Variants in GMPPA observed in about 807,000 individuals in gnomAD.
GMPPA encodes GDP-mannose pyrophosphorylase A.
A neutral mutation model predicts 58.6 loss-of-function variants in GMPPA; 46 were observed. The ratio of observed to expected loss-of-function variants is 0.78; its 90% CI spans 0.62 to 1.00. The LOEUF (loss-of-function observed/expected upper bound fraction) is 1.00, where lower values mean the gene tolerates loss of function less well. GMPPA is among the 50% of genes least tolerant of loss of function. GMPPA has a pLI of 0.00. For synonymous variants in GMPPA, 211 were observed against 214.9 expected, an observed-to-expected ratio of 0.98 and a Z score of 0.16; for missense variants, 468 against 556.4, an observed-to-expected ratio of 0.84 and a Z score of 1.60.
Position 219,506,789 on chromosome 2 carries a change from C to T in GMPPA, c.1254C>T (p.Ile418=). ...KELSRSFTNQ[I]IL ...TGAGCCGAAGCTTCACCAACCAGAT[C>T]ATCCTCTGAGTAGGGCTGCCAGAAG... The change falls in exon 13 of 13, where the codon ATC becomes ATT. Residue 418 remains isoleucine, a synonymous_variant. Transcript: ENST00000313597. 2 of 1,527,000 alleles carry T rather than the reference C, an allele frequency of 1.3e-6. No individual in the cohort carries two copies. Among genetic ancestry groups the T allele is most frequent in the Non-Finnish European group, 1.8e-6 (2 of 1,100,490 alleles). The allele number at this position is 1,527,000 out of a possible 1,614,324, so 94.6% of individuals were successfully genotyped here. A position where few individuals can be genotyped will look rare whatever the true frequency, so the allele number is the denominator to read the frequency against.
chr2:219,503,059 C>G (rs1355928829), intron 6 of GMPPA, among the ~76,000 whole-genome samples: 1 of 152,134 alleles, frequency 6.6e-6, no homozygotes, highest in Non-Finnish European at 1.5e-5. Context: ...TCCTCGACCT[C>G]CCAGGTTTAA....
rs2125643832 is a variant in GMPPA, at chr2:219,506,426, T to C, written c.1162+4T>C. 6.2e-7 allele frequency: 1 copy of C among 1,609,868 alleles called. No individual in the cohort carries two copies. Among genetic ancestry groups the C allele is most frequent in the East Asian group, 2.2e-5 (1 of 44,832 alleles). On this transcript the variant is annotated splice_donor_region_variant and intron_variant, in intron 12 of 12. Transcript: ENST00000313597. ...CTGCCTGCTATCACCATCCTGGGTATGGCTTCCTGGGGGCCAGGGCTGGGG... is the reference window on the plus strand; with the variant it reads ...CTGCCTGCTATCACCATCCTGGGTACGGCTTCCTGGGGGCCAGGGCTGGGG...
Position 219,505,380 on chromosome 2 carries a change from C to G in GMPPA, c.755+18C>G. ...TCCGCAGGGTATGGAAGGCTGGGTC[C>G]CCTGGGGATTGAAATTTTGGGGTGG... is the stretch of plus-strand genomic sequence containing the variant. On this transcript the variant is annotated intron_variant, in intron 8 of 12. Coordinates refer to ENST00000313597, the MANE Select transcript of GMPPA (RefSeq NM_013335.4). 1 of 1,612,660 alleles carries G rather than the reference C, an allele frequency of 6.2e-7. No individual in the cohort carries two copies. The highest frequency in any genetic ancestry group is 1.1e-5 in the South Asian group (1 of 90,758).
intron 7 of GMPPA, 184 bp from the exon 8 acceptor site, chr2:219,505,044 G>T: frequency 1.2e-6 from 1 of 830,866 alleles, no homozygotes; most frequent in Non-Finnish European, 1.8e-6. Flanking sequence ...CCCAAGTGGG[G>T]GCTGGGTGGG....
chr2:219,501,637 T>C, intron 4 of GMPPA, 58 bp downstream of exon 4: 1 of 1,140,162 alleles, frequency 8.8e-7, no homozygotes, highest in African/African-American at 1.5e-5. Flanking sequence ...CTCTGAGTTC[T>C]TGGAAGTGGG....
chr2:219,502,383 C>T lies in GMPPA; in HGVS notation c.431C>T (p.Ala144Val). 1 of 1,613,776 alleles carries T rather than the reference C, an allele frequency of 6.2e-7. No homozygotes were observed. The highest frequency in any genetic ancestry group is 1.3e-5 in the African/African-American group (1 of 75,014). ...GTCTCGGGTGTGTCTGTCTTTCAGG[C>T]TAACAGGACGCAATCCCTCAACTAC... ...RHPFLLLGTT[A>V]NRTQSLNYGC... The change falls in exon 6 of 13, where the codon GCT (alanine) becomes GTT (valine). Residue 144 changes from alanine (A) to valine (V), a missense_variant and splice_region_variant. Ala to Val is a moderately conservative substitution (Grantham distance 64). Transcript: ENST00000313597. This position sits in a 1 kb window ranked among gnomAD's most constrained non-coding sequence, Gnocchi z 4.0.
Position 219,502,605 on chromosome 2 carries a change from CA to C in GMPPA, c.489+165del, listed in dbSNP as rs767242180. ...TTATATCCCTTTAAGAGAGATTGAC[CA>C]GGGGGAGGGGGGGAATGGTTAATTT... On this transcript the variant is annotated intron_variant, in intron 6 of 12. Transcript: ENST00000313597. The surrounding 1 kb of genome is among the most constrained non-coding windows in gnomAD (Gnocchi z 4.0). Among the ~76,000 whole-genome samples, 13 of 148,202 alleles carry C rather than the reference CA, an allele frequency of 8.8e-5. No individual in the cohort carries two copies. Among genetic ancestry groups the C allele is most frequent in the South Asian group, 4.3e-4 (2 of 4,638 alleles).
chr2:219,504,482 G>A (rs534182431), intron 7 of GMPPA: 14 of 537,012 alleles, frequency 2.6e-5, no homozygotes, highest in African/African-American at 7.6e-5. Context: ...TCCCAGAGAC[G>A]TCTTTCAGAA....
intron 7 of GMPPA, chr2:219,504,520 A>T (rs1694507644): frequency 2.3e-6 from 1 of 443,766 alleles, no homozygotes; most frequent in East Asian, 4.2e-5. Flanking sequence ...TTGGGCGCAC[A>T]CATGCTCGGG....
rs142397363 is a variant in GMPPA at position 219,504,136 on chromosome 2, C to A, written c.543C>A (p.Cys181Ter). Reference sequence around the variant, plus strand: ...CATTTATCAGTGACATCATCAACTGCGGCATCTACCTCTTTTCTCCTGAAG... The same window carrying A: ...CATTTATCAGTGACATCATCAACTGAGGCATCTACCTCTTTTCTCCTGAAG... ...PSTFISDIINCGIYLFSPEAL... is the reference protein window; with the variant it reads ...PSTFISDIIN The change falls in exon 7 of 13, where the codon TGC becomes TGA. Residue 181 changes from cysteine (C) to a stop codon, truncating the protein, a stop_gained. Transcript: ENST00000313597. LOFTEE classifies it high-confidence loss of function. The A allele has an allele frequency of 1.2e-5, 19 of 1,613,530 alleles. No homozygotes were observed. Among genetic ancestry groups the A allele is most frequent in the Non-Finnish European group, 1.6e-5 (19 of 1,179,452 alleles).
intron 6 of GMPPA, among the ~76,000 whole-genome samples, chr2:219,503,280 G>A (rs1457661629): frequency 2.0e-5 from 3 of 152,076 alleles, no homozygotes; most frequent in East Asian, 1.9e-4. Context: ...TTACAGGCAG[G>A]TGCCAGGCTA....
rs1694350036 is a variant in GMPPA at position 219,500,411 on chromosome 2, T to C, written c.138+193T>C. On this transcript the variant is annotated intron_variant, in intron 3 of 12. Coordinates refer to ENST00000313597, the MANE Select transcript of GMPPA (RefSeq NM_013335.4). ...TGTCTTCCCCTAATCTAGTTTCTCA[T>C]CTGGCCTCTTCCTGCTCAGATTTCA... The C allele has an allele frequency of 2.0e-5, 12 of 598,960 alleles. No individual in the cohort carries two copies. In the South Asian group the frequency reaches 2.4e-4, roughly 12 times the overall value. The allele number at this position is 598,960 out of a possible 1,614,324, so 37.1% of individuals were successfully genotyped here. A position where few individuals can be genotyped will look rare whatever the true frequency, so the allele number is the denominator to read the frequency against.
chr2:219,506,451 G>A (rs1483260348), intron 12 of GMPPA, 29 bp downstream of exon 12: 3 of 1,599,764 alleles, frequency 1.9e-6, no homozygotes, highest in Non-Finnish European at 2.6e-6. Context: ...CAGGGCTGGG[G>A]GAACCCCTCA....
intron 1 of GMPPA, 66 bp downstream of exon 1, chr2:219,499,004 G>A (rs1694295576): frequency 2.6e-5 from 4 of 152,236 alleles, no homozygotes; most frequent in African/African-American, 9.6e-5. Flanking sequence ...TAGACGGAGA[G>A]CGGGCTCCGA....
intron 1 of GMPPA, 40 bp from the exon 2 acceptor site, chr2:219,499,916 G>T (rs1267221056): frequency 8.5e-6 from 13 of 1,520,690 alleles, no homozygotes; most frequent in Non-Finnish European, 1.2e-5. Context: ...CTTGGTTGGG[G>T]TAGGAGATCT....
Position 219,505,290 on chromosome 2 carries a change from C to T in GMPPA, c.683C>T (p.Ser228Leu), listed in dbSNP as rs1349747097. The part of the protein sequence containing the change: ...GTIRLEQDVF[S>L]ALAGQGQIYV... ...ATCCGCCTAGAGCAGGATGTGTTTT[C>T]AGCCCTGGCAGGGCAGGGCCAGATA... The change falls in exon 8 of 13, where the codon TCA (serine) becomes TTA (leucine). Residue 228 changes from serine to leucine, a missense_variant. By Grantham distance (145) the Ser-to-Leu change is moderately radical (BLOSUM62 -2). Coordinates refer to ENST00000313597, the MANE Select transcript of GMPPA (RefSeq NM_013335.4). 2 of 1,614,052 alleles carry T rather than the reference C, an allele frequency of 1.2e-6. No individual in the cohort carries two copies. Among genetic ancestry groups the T allele is most frequent in the Admixed American group, 1.7e-5 (1 of 60,026 alleles).
chr2:219,500,428 CA>C, intron 3 of GMPPA: 1 of 588,804 alleles, frequency 1.7e-6, no homozygotes, highest in South Asian at 2.1e-5. Context: ...TCTTCCTGCT[CA>C]GATTTCACTC....
rs1400814904 is a variant in GMPPA at position 219,502,635 on chromosome 2, T to C, written c.489+194T>C. 1.3e-5 allele frequency among the ~76,000 whole-genome samples: 2 copies of C among 148,714 alleles called. No individual in the cohort carries two copies. Among genetic ancestry groups the C allele is most frequent in the Non-Finnish European group, 3.0e-5 (2 of 66,932 alleles). On this transcript the variant is annotated intron_variant, in intron 6 of 12. Coordinates refer to ENST00000313597, the MANE Select transcript of GMPPA (RefSeq NM_013335.4). The surrounding 1 kb of genome is among the most constrained non-coding windows in gnomAD (Gnocchi z 4.0). ...GGAGGGGGGGAATGGTTAATTTCCC[T>C]GGGGGTGGTGCTGTAATAAATGTAT...
intron 7 of GMPPA, chr2:219,505,018 C>T: frequency 2.4e-6 from 2 of 842,930 alleles, no homozygotes; most frequent in Non-Finnish European, 3.5e-6. Flanking sequence ...CTGGGGCTCC[C>T]TTGTGATAGC....
Sources: allele counts gnomAD v4.1 joint callset (sites outside exome capture counted in the v4.1 genomes callset), GRCh38; gene constraint gnomAD v4.1.1; non-coding constraint Gnocchi (gnomAD v3.1); transcripts MANE v1.5; gene names NCBI Gene and HGNC (gene_info 2026-07-23, HGNC 2026-07-21).